SCAF4: variants seen among roughly 807,000 people sequenced by gnomAD.
SCAF4 encodes SR-related CTD associated factor 4.
In SCAF4, 25 loss-of-function variants were observed where a neutral mutation model predicts 129.8. The ratio of observed to expected loss-of-function variants is 0.19; its 90% CI spans 0.14 to 0.27. The LOEUF (loss-of-function observed/expected upper bound fraction) is 0.27, where lower values mean the gene tolerates loss of function less well. SCAF4 is among the 10% of genes least tolerant of loss of function. The pLI is 1.00. For missense variants in SCAF4, 1,246 were observed against 1,457.1 expected (o/e 0.86, Z 2.36); for synonymous variants, 551 against 497.7 (o/e 1.11, Z -1.43).
chr21:31,693,002 T>C (rs2050296164), intron 12 of SCAF4, among the ~76,000 whole-genome samples: 1 of 152,232 alleles, frequency 6.6e-6, no homozygotes, highest in Non-Finnish European at 1.5e-5. Context: ...CTAGCACACC[T>C]TACTAAATGT....
intron 1 of SCAF4, among the ~76,000 whole-genome samples, chr21:31,713,482 C>CA (rs1190816861): frequency 6.6e-6 from 1 of 152,140 alleles, no homozygotes; most frequent in East Asian, 1.9e-4. Flanking sequence ...ATGAGTACTA[C>CA]ACGTAATTCT....
chr21:31,731,255 C>T (rs2051347924), intron 1 of SCAF4, among the ~76,000 whole-genome samples: 1 of 152,198 alleles, frequency 6.6e-6, no homozygotes, highest in Admixed American at 6.5e-5. Context: ...CGCCCCCAAC[C>T]CCACACGCCC....
chr21:31,692,039 A>G, intron 13 of SCAF4, 109 bp from the exon 14 acceptor site: 2 of 618,514 alleles, frequency 3.2e-6, no homozygotes, highest in Non-Finnish European at 5.6e-6. Flanking sequence ...CATGCTATAT[A>G]ATGTAAGGTT....
In SCAF4 at chr21:31,692,405, T is replaced by C. The variant is rs1182972500; in HGVS notation, c.1558A>G (p.Thr520Ala). The C allele has an allele frequency of 2.5e-6, 4 of 1,613,908 alleles. No homozygotes were observed. The highest frequency in any genetic ancestry group is 2.2e-5 in the East Asian group (1 of 44,876). The change falls in exon 13 of 20, where the codon ACT becomes GCT. Residue 520 changes from threonine to alanine, a missense_variant. Thr to Ala is a moderately conservative substitution (Grantham distance 58). Around this residue, in one of 6 missense-constraint regions of SCAF4, gnomAD observed 468 missense variants for 605.5 expected, o/e 0.77. Coordinates refer to ENST00000286835, the MANE Select transcript of SCAF4 (RefSeq NM_020706.2). ...AAGAGACTGGCAACATCCTGCTGAG[T>C]AGTTCTTTTGTCCAGCTGCCCCACC... is the stretch of plus-strand genomic sequence containing the variant. ...LWVGQLDKRT[T>A]QQDVASLLEE...
intron 1 of SCAF4, among the ~76,000 whole-genome samples, chr21:31,713,751 T>A (rs1275464760): frequency 3.0e-5 from 1 of 33,802 alleles, no homozygotes. Context: ...GGAGCGGGGG[T>A]GGGGTGGGGG....
At chr21:31,690,642 A>G (rs929156720) in intron 15 of SCAF4, among the ~76,000 whole-genome samples, 155 bp downstream of exon 15, 2 of 152,234 alleles carry the variant, frequency 1.3e-5, no homozygotes, top group Non-Finnish European at 2.9e-5. Context: ...CTCATTCACT[A>G]TTTAACCCTC....
chr21:31,705,416 T>G lies in SCAF4; in HGVS notation c.159+7A>C, dbSNP rs531763292. On this transcript the variant is annotated splice_region_variant and intron_variant, in intron 3 of 19. Coordinates refer to ENST00000286835, the MANE Select transcript of SCAF4 (RefSeq NM_020706.2). ...ACTAAAATGAGGTTATAATGAGAGA[T>G]AGTTACCTTTTTGATGAACTTTTCT... 1.8e-5 allele frequency: 21 copies of G among 1,188,318 alleles called. No homozygotes were observed. Among genetic ancestry groups the G allele is most frequent in the Non-Finnish European group, 2.3e-5 (19 of 837,948 alleles). The allele number at this position is 1,188,318 out of a possible 1,614,324, so 73.6% of individuals were successfully genotyped here.
At position 31,683,605 on chromosome 21, in the gene SCAF4, T is replaced by G. The variant is rs553233262; in HGVS notation, c.2488+1444A>C. ...ACAAATAGTTTCAGGTAGTCTAACA[T>G]CCATGGACCTTAGATTAGGATTCAT... On this transcript the variant is annotated intron_variant, in intron 19 of 19. Coordinates refer to ENST00000286835, the MANE Select transcript of SCAF4 (RefSeq NM_020706.2). 1.2e-4 allele frequency among the ~76,000 whole-genome samples: 18 copies of G among 152,142 alleles called. No individual in the cohort carries two copies. In the South Asian group the frequency reaches 3.7e-3, roughly 32 times the overall value.
At chr21:31,721,063 A>T (rs1187732972) in intron 1 of SCAF4, among the ~76,000 whole-genome samples, 1 of 152,220 alleles carries the variant, frequency 6.6e-6, no homozygotes, top group Admixed American at 6.5e-5. Context: ...TATATTCAAG[A>T]GTTGTGCACC....
chr21:31,672,389 C>T lies in SCAF4; in HGVS notation c.2489-35G>A, dbSNP rs757591341. On this transcript the variant is annotated intron_variant, in intron 19 of 19. Transcript: ENST00000286835. ...GACAAAAATAAAAATGTAAACACCA[C>T]CGAAGATGGCACTCCAGTTTCAGCT... The T allele has an allele frequency of 2.3e-5, 33 of 1,460,836 alleles. 1 individual carries two copies. In the South Asian group the frequency reaches 3.3e-4, roughly 15 times the overall value. The allele number at this position is 1,460,836 out of a possible 1,614,324, so 90.5% of individuals were successfully genotyped here. A position where few individuals can be genotyped will look rare whatever the true frequency, so the allele number is the denominator to read the frequency against.
chr21:31,693,351 T>C lies in SCAF4; in HGVS notation c.1456A>G (p.Lys486Glu). ...SRSQERRDRE[K>E]ERERRQKGLP... ...CCTTTTTGTCGACGTTCTCTCTCTT[T>C]TTCTCGATCCCGTCTTTCTTGAGAT... Residue 486 changes from lysine (K) to glutamate (E), a missense_variant, in exon 12 of 20, where the codon AAA (lysine) becomes GAA (glutamate). Lys to Glu is a moderately conservative substitution (Grantham distance 56). Coordinates refer to ENST00000286835, the MANE Select transcript of SCAF4 (RefSeq NM_020706.2). 1 of 1,548,738 alleles carries C rather than the reference T, an allele frequency of 6.5e-7. No homozygotes were observed. Among genetic ancestry groups the C allele is most frequent in the South Asian group, 1.2e-5 (1 of 84,770 alleles).
At position 31,696,552 on chromosome 21, in the gene SCAF4, T is replaced by TA. The variant is rs757298175; in HGVS notation, c.959+16dup. 0.086 allele frequency: 77,359 copies of TA among 902,632 alleles called. 14 individuals carry two copies. Among genetic ancestry groups the TA allele is most frequent in the South Asian group, 0.12 (6,207 of 52,712 alleles). The allele number at this position is 902,632 out of a possible 1,614,324, so 55.9% of individuals were successfully genotyped here. ...TACCAATTTTCTATCTGCTGAGGAA[T>TA]AAAAAAAAAAACTAACAATGGTGCC... is the stretch of plus-strand genomic sequence containing the variant. On this transcript the variant is annotated intron_variant, in intron 8 of 19. Coordinates refer to ENST00000286835, the MANE Select transcript of SCAF4 (RefSeq NM_020706.2).
Position 31,685,596 on chromosome 21 carries a change from T to C in SCAF4, c.2181A>G (p.Pro727=), listed in dbSNP as rs201740202. The C allele has an allele frequency of 2.5e-6, 4 of 1,614,060 alleles. No homozygotes were observed. The highest frequency in any genetic ancestry group is 1.7e-5 in the Admixed American group (1 of 60,018). ...GTGGTAAATGCATTGGGTTGAATCC[T>C]GGGCGCAAAAATGGTGGAGGAGGAG... The part of the protein sequence containing the change: ...PPPPPPPFLR[P]GFNPMHLPPG... Residue 727 remains proline (P), a synonymous_variant, in exon 17 of 20, where the codon CCA becomes CCG. Transcript: ENST00000286835.
rs2049734425 is a variant in SCAF4 at position 31,672,434 on chromosome 21, G to A, written c.2489-80C>T. 32 of 1,128,992 alleles carry A rather than the reference G, an allele frequency of 2.8e-5. No homozygotes were observed. The South Asian group carries it at 4.1e-4, about 14-fold the overall frequency. The allele number at this position is 1,128,992 out of a possible 1,614,324, so 69.9% of individuals were successfully genotyped here. A position where few individuals can be genotyped will look rare whatever the true frequency, so the allele number is the denominator to read the frequency against. Reference sequence around the variant, plus strand: ...TCAGCTGTGTTCTGTGGCGCTTAAAGCAAAATAAAATTCAACCCACAATCT... The same window carrying A: ...TCAGCTGTGTTCTGTGGCGCTTAAAACAAAATAAAATTCAACCCACAATCT... On this transcript the variant is annotated intron_variant, in intron 19 of 19. Coordinates refer to ENST00000286835, the MANE Select transcript of SCAF4 (RefSeq NM_020706.2).
At chr21:31,716,338 A>G (rs1453040462) in intron 1 of SCAF4, among the ~76,000 whole-genome samples, 1 of 152,126 alleles carries the variant, frequency 6.6e-6, no homozygotes, top group East Asian at 1.9e-4. Flanking sequence ...TACTATGTGA[A>G]GTTGAATTTA....
intron 1 of SCAF4, among the ~76,000 whole-genome samples, chr21:31,723,992 GAA>G (rs1472149424): frequency 6.6e-6 from 1 of 152,144 alleles, no homozygotes; most frequent in Non-Finnish European, 1.5e-5. Context: ...TTTTCTTCCT[GAA>G]TTTACTACTA....
chr21:31,672,105 C>T lies in SCAF4; in HGVS notation c.2738G>A (p.Gly913Asp). 2.5e-6 allele frequency: 4 copies of T among 1,612,698 alleles called. No homozygotes were observed. Among genetic ancestry groups the T allele is most frequent in the Non-Finnish European group, 3.4e-6 (4 of 1,178,846 alleles). Residue 913 changes from glycine to aspartate, a missense_variant, in exon 20 of 20, where the codon GGC (glycine) becomes GAC (aspartate). Gly to Asp is a moderately conservative substitution (Grantham distance 94, BLOSUM62 -1). Transcript: ENST00000286835. ...HGMKGPFPPH[G>D]PFVRPGGMPG... ...CATTCCACCAGGCCTAACAAAGGGG[C>T]CATGCGGTGGGAAGGGACCTTTCAT...
intron 1 of SCAF4, among the ~76,000 whole-genome samples, chr21:31,708,067 C>T (rs542368187): frequency 1.3e-5 from 2 of 152,240 alleles, no homozygotes; most frequent in Non-Finnish European, 2.9e-5. Context: ...GAGAATAAAA[C>T]GCTCACTAAC....
At chr21:31,700,367 A>G (rs1417520485) in intron 7 of SCAF4, among the ~76,000 whole-genome samples, 1 of 151,892 alleles carries the variant, frequency 6.6e-6, no homozygotes, top group Non-Finnish European at 1.5e-5. Flanking sequence ...CGACCTCCCA[A>G]AGTGTTGGGA....
Sources: allele counts gnomAD v4.1 joint callset (sites outside exome capture counted in the v4.1 genomes callset), GRCh38; gene constraint gnomAD v4.1.1; regional missense constraint gnomAD v4.1.1; transcripts MANE v1.5; gene names NCBI Gene and HGNC (gene_info 2026-07-23, HGNC 2026-07-21).